LSAMP: variants seen among roughly 807,000 people sequenced by gnomAD.
LSAMP encodes limbic system associated membrane protein.
A neutral mutation model predicts 38.6 loss-of-function variants in LSAMP; 7 were observed. That is an observed-to-expected ratio of 0.18 (90% CI 0.10 to 0.34). LSAMP has a LOEUF of 0.34. Among genes scored for constraint, LSAMP ranks in the 10% least tolerant of loss-of-function variants. LSAMP has a pLI of 1.00. For missense variants in LSAMP, 313 were observed against 420.0 expected, an observed-to-expected ratio of 0.75 and a Z score of 2.23; for synonymous variants, 154 against 166.8, an observed-to-expected ratio of 0.92 and a Z score of 0.59.
At chr3:115,847,453 T>A (rs971017686) in intron 4 of LSAMP, among the ~76,000 whole-genome samples, 8 of 152,246 alleles carry the variant, frequency 5.3e-5, no homozygotes, top group Non-Finnish European at 1.2e-4. Flanking sequence ...TACTTCTCAC[T>A]GGGGCAGACC....
intron 1 of LSAMP, among the ~76,000 whole-genome samples, chr3:116,145,312 G>A (rs888373068): frequency 6.6e-6 from 1 of 151,654 alleles, no homozygotes; most frequent in Non-Finnish European, 1.5e-5. Context: ...AGAACTAATA[G>A]CTTATATATT....
chr3:116,176,103 A>G (rs1414004453), intron 1 of LSAMP, among the ~76,000 whole-genome samples: 1 of 152,146 alleles, frequency 6.6e-6, no homozygotes, highest in Non-Finnish European at 1.5e-5. Context: ...CATGAGGCTC[A>G]AAAATACCTG....
chr3:116,147,669 C>T (rs1709520176), intron 1 of LSAMP, among the ~76,000 whole-genome samples: 1 of 151,738 alleles, frequency 6.6e-6, no homozygotes, highest in Non-Finnish European at 1.5e-5. Flanking sequence ...CTGAATTTTC[C>T]CATATTTAGT....
At chr3:116,062,243 C>A (rs961647304) in intron 2 of LSAMP, among the ~76,000 whole-genome samples, 1 of 152,150 alleles carries the variant, frequency 6.6e-6, no homozygotes, top group Non-Finnish European at 1.5e-5. Flanking sequence ...GCATGGTGGC[C>A]TATGCCTGTA....
intron 1 of LSAMP, among the ~76,000 whole-genome samples, chr3:116,394,043 G>C (rs1287050880): frequency 6.6e-6 from 1 of 152,282 alleles, no homozygotes; most frequent in East Asian, 1.9e-4. Flanking sequence ...CAGTATTAGT[G>C]TTTTGTCCAT....
chr3:115,810,255 CTCTG>C lies in LSAMP; in HGVS notation c.*58_*61del. 8.6e-7 allele frequency: 1 copy of C among 1,161,632 alleles called. No homozygotes were observed. The highest frequency in any genetic ancestry group is 1.2e-6 in the Non-Finnish European group (1 of 803,096). The allele number at this position is 1,161,632 out of a possible 1,614,324, so 72.0% of individuals were successfully genotyped here. A position where few individuals can be genotyped will look rare whatever the true frequency, so the allele number is the denominator to read the frequency against. On this transcript the variant is annotated 3_prime_UTR_variant, in exon 7 of 7. Coordinates refer to ENST00000490035, the MANE Select transcript of LSAMP (RefSeq NM_002338.5). The stretch of plus-strand genomic sequence containing the variant: ...TCTCTCTCTCTCTCTGTCTCTCTCT[CTCTG>C]TATTCTGTGTGACGCATTTTTGTGT...
At chr3:116,152,971 T>C (rs1012433751) in intron 1 of LSAMP, among the ~76,000 whole-genome samples, 3 of 152,036 alleles carry the variant, frequency 2.0e-5, no homozygotes, top group African/African-American at 4.8e-5. Context: ...TATACAAATA[T>C]ATAAAAAATA....
chr3:116,400,315 C>T (rs1164440826), intron 1 of LSAMP, among the ~76,000 whole-genome samples: 1 of 152,120 alleles, frequency 6.6e-6, no homozygotes, highest in East Asian at 1.9e-4. Flanking sequence ...GGCTTGTCCA[C>T]ATCAGCACCA....
intron 1 of LSAMP, among the ~76,000 whole-genome samples, chr3:116,396,211 ATTTGT>A (rs1385043025): frequency 6.6e-6 from 1 of 152,172 alleles, no homozygotes; most frequent in Non-Finnish European, 1.5e-5. Context: ...TAAGAGAGTG[ATTTGT>A]TTTATCAGAT....
At chr3:116,182,185 G>A (rs4296590) in intron 1 of LSAMP, among the ~76,000 whole-genome samples, 75,717 of 151,526 alleles carry the variant, frequency 0.5, 21,400 homozygotes, top group East Asian at 0.74. Flanking sequence ...GATTCCAAGA[G>A]CATTCATGAC....
chr3:116,396,506 A>G lies in LSAMP; in HGVS notation c.155+48371T>C, dbSNP rs140270380. On this transcript the variant is annotated intron_variant, in intron 1 of 6. Coordinates refer to ENST00000490035, the MANE Select transcript of LSAMP (RefSeq NM_002338.5). ...CTTCAGCACTCATTTTGGTACTCAC[A>G]TACTTTGTAAAAATACTACATCTAC... Among the ~76,000 whole-genome samples, 949 of 152,328 alleles carry G rather than the reference A, an allele frequency of 6.2e-3. 10 individuals are homozygous for G. Among genetic ancestry groups the G allele is most frequent in the African/African-American group, 0.022 (902 of 41,574 alleles).
chr3:116,394,167 G>T (rs934555537), intron 1 of LSAMP, among the ~76,000 whole-genome samples: 1 of 152,128 alleles, frequency 6.6e-6, no homozygotes, highest in Non-Finnish European at 1.5e-5. Context: ...GAGGTACTTT[G>T]TTCCACAGGC....
chr3:115,910,368 G>A (rs759696976), intron 3 of LSAMP, among the ~76,000 whole-genome samples: 1 of 152,130 alleles, frequency 6.6e-6, no homozygotes, highest in Non-Finnish European at 1.5e-5. Flanking sequence ...AACCAGGCAA[G>A]TTTTGCTTTC....
At chr3:116,043,401 G>C (rs546181586) in intron 2 of LSAMP, among the ~76,000 whole-genome samples, 1 of 152,132 alleles carries the variant, frequency 6.6e-6, no homozygotes. Flanking sequence ...GACACAAAAA[G>C]GTTGCTTCTG....
At chr3:116,425,630 T>C (rs1392893411) in intron 1 of LSAMP, among the ~76,000 whole-genome samples, 2 of 152,160 alleles carry the variant, frequency 1.3e-5, no homozygotes, top group African/African-American at 2.4e-5. Context: ...CTGTAATCTC[T>C]AACCGTCTAT....
chr3:116,306,101 G>A (rs1304936436), intron 1 of LSAMP, among the ~76,000 whole-genome samples: 1 of 151,956 alleles, frequency 6.6e-6, no homozygotes, highest in African/African-American at 2.4e-5. Flanking sequence ...ACCAGGAATT[G>A]TGCTAGACCC....
chr3:116,243,199 C>A (rs2046561517), intron 1 of LSAMP, among the ~76,000 whole-genome samples: 1 of 152,086 alleles, frequency 6.6e-6, no homozygotes, highest in African/African-American at 2.4e-5. Context: ...TCAGCAGTTG[C>A]CCAAGATATC....
At chr3:116,120,720 G>A (rs1390037087) in intron 1 of LSAMP, among the ~76,000 whole-genome samples, 1 of 152,034 alleles carries the variant, frequency 6.6e-6, no homozygotes, top group Non-Finnish European at 1.5e-5. Context: ...ACATAACCAA[G>A]GCTATTTACC....
intron 3 of LSAMP, among the ~76,000 whole-genome samples, chr3:115,931,624 T>G (rs778610582): frequency 6.6e-5 from 10 of 152,172 alleles, no homozygotes; most frequent in Non-Finnish European, 1.5e-4. Context: ...ATGGAAAAGA[T>G]CTCTCATGCA....
Sources: gnomAD v4.1 joint callset for allele counts (sites outside exome capture counted in the v4.1 genomes callset) on GRCh38, gnomAD v4.1.1 for gene constraint, MANE v1.5 for transcripts, NCBI Gene and HGNC (gene_info 2026-07-23, HGNC 2026-07-21) for gene names.